Variants in PTPRT observed in about 807,000 individuals in gnomAD.
PTPRT encodes the protein receptor-type tyrosine-protein phosphatase T.
A neutral mutation model predicts 176.8 loss-of-function variants in PTPRT; 56 were observed. The observed-to-expected ratio is 0.32, with a 90% CI of 0.26 to 0.40. The LOEUF (loss-of-function observed/expected upper bound fraction) is 0.40. PTPRT is among the 10% of genes least tolerant of loss of function. The probability of loss-of-function intolerance (pLI) is 1.00; values close to 1 mark genes in which losing one functional copy is unlikely to be tolerated. For missense variants in PTPRT, 1,540 were observed against 1,908.2 expected, an observed-to-expected ratio of 0.81 and a Z score of 3.60; for synonymous variants, 783 against 739.0, an observed-to-expected ratio of 1.06 and a Z score of -0.96.
At chr20:42,658,307 C>A (rs1465226045) in intron 7 of PTPRT, among the ~76,000 whole-genome samples, 1 of 152,192 alleles carries the variant, frequency 6.6e-6, no homozygotes, top group Admixed American at 6.5e-5. Flanking sequence ...TGACAGCCAG[C>A]AGCCCTGTAA....
intron 13 of PTPRT, chr20:42,270,529 G>A (rs2056916704): frequency 1.5e-6 from 2 of 1,352,122 alleles, no homozygotes; most frequent in Non-Finnish European, 2.1e-6. Flanking sequence ...AAAACGTGCA[G>A]CACGGTGAAC....
chr20:43,125,416 T>C (rs1321126566), intron 1 of PTPRT, among the ~76,000 whole-genome samples: 1 of 152,134 alleles, frequency 6.6e-6, no homozygotes, highest in Non-Finnish European at 1.5e-5. Flanking sequence ...TCTCACTGAC[T>C]GCACAATAGA....
chr20:42,402,218 T>A (rs1350134264), intron 9 of PTPRT, among the ~76,000 whole-genome samples: 2 of 151,884 alleles, frequency 1.3e-5, no homozygotes, highest in Admixed American at 6.6e-5. Context: ...TGGGTTTTGG[T>A]TCCCCAAAAC....
chr20:42,385,705 C>A (rs1019197485), intron 9 of PTPRT, among the ~76,000 whole-genome samples: 4 of 152,118 alleles, frequency 2.6e-5, no homozygotes, highest in African/African-American at 9.7e-5. Flanking sequence ...CAAGGAGGAG[C>A]AAAGTCAAGT....
intron 1 of PTPRT, among the ~76,000 whole-genome samples, chr20:43,170,989 T>A (rs1312200282): frequency 5.3e-5 from 8 of 152,158 alleles, no homozygotes; most frequent in Non-Finnish European, 1.2e-4. Flanking sequence ...TTTGTCCAGT[T>A]AACAGCTGCG....
rs144745331 is a variant in PTPRT at position 42,215,194 on chromosome 20, T to C, written c.2343-15806A>G. Among the ~76,000 whole-genome samples the C allele has an allele frequency of 2.3e-3, 345 of 152,238 alleles. 2 individuals are homozygous for C. Among genetic ancestry groups the C allele is most frequent in the African/African-American group, 8.0e-3 (333 of 41,550 alleles). Reference sequence around the variant, plus strand: ...GAATGCTGTCTGAGCTCTGAACCCCTGGGTTGGGGAGATGGCCCCTCTGTT... The same window carrying C: ...GAATGCTGTCTGAGCTCTGAACCCCCGGGTTGGGGAGATGGCCCCTCTGTT... On this transcript the variant is annotated intron_variant, in intron 15 of 30. Coordinates refer to ENST00000373187, the MANE Select transcript of PTPRT (RefSeq NM_007050.6).
rs544106688 is a variant in PTPRT at position 42,581,149 on chromosome 20, T to A, written c.1153+96717A>T. ...CAATGGCTGGCCGTATACTAGAAAG[T>A]CTTCCCTCCTCCCTTCTTCCTCCAC... On this transcript the variant is annotated intron_variant, in intron 7 of 30. Coordinates refer to ENST00000373187, the MANE Select transcript of PTPRT (RefSeq NM_007050.6). 2.6e-5 allele frequency among the ~76,000 whole-genome samples: 4 copies of A among 152,256 alleles called. No homozygotes were observed. The South Asian group carries it at 8.3e-4, about 32-fold the overall frequency.
At chr20:42,517,490 C>T (rs2072090597) in intron 7 of PTPRT, among the ~76,000 whole-genome samples, 1 of 151,834 alleles carries the variant, frequency 6.6e-6, no homozygotes, top group Non-Finnish European at 1.5e-5. Context: ...TGTACATATG[C>T]ATTCCATTTA....
At chr20:42,848,469 C>T (rs1233414434) in intron 2 of PTPRT, among the ~76,000 whole-genome samples, 1 of 152,186 alleles carries the variant, frequency 6.6e-6, no homozygotes, top group African/African-American at 2.4e-5. Context: ...TTCACCACAT[C>T]CCCACCAACA....
intron 1 of PTPRT, among the ~76,000 whole-genome samples, chr20:42,960,027 CCAT>C (rs1475422516): frequency 6.6e-6 from 1 of 152,124 alleles, no homozygotes; most frequent in Non-Finnish European, 1.5e-5. Context: ...CTTGTCCCTC[CCAT>C]CATCTACTCA....
intron 1 of PTPRT, among the ~76,000 whole-genome samples, chr20:43,093,750 TG>T (rs1427570604): frequency 6.6e-6 from 1 of 152,144 alleles, no homozygotes; most frequent in Non-Finnish European, 1.5e-5. Context: ...GAGATGCAGG[TG>T]ATCTGGCCCC....
At chr20:42,503,977 G>T (rs577319880) in intron 7 of PTPRT, among the ~76,000 whole-genome samples, 1 of 152,112 alleles carries the variant, frequency 6.6e-6, no homozygotes, top group East Asian at 1.9e-4. Context: ...CTAAACAATA[G>T]CTCCCTTGCT....
intron 1 of PTPRT, among the ~76,000 whole-genome samples, chr20:43,116,393 G>C (rs558642137): frequency 2.6e-5 from 4 of 152,304 alleles, no homozygotes; most frequent in Admixed American, 2.0e-4. Context: ...CTTTGCCTTA[G>C]ACAGTGTTCA....
chr20:42,179,957 A>G (rs751140899), intron 16 of PTPRT, among the ~76,000 whole-genome samples: 35 of 152,202 alleles, frequency 2.3e-4, no homozygotes, highest in Non-Finnish European at 4.4e-4. Context: ...ATCTTGAGCT[A>G]AAGAAGATCA....
intron 6 of PTPRT, among the ~76,000 whole-genome samples, chr20:42,742,532 T>A (rs2076626808): frequency 1.3e-5 from 2 of 152,176 alleles, no homozygotes; most frequent in South Asian, 4.2e-4. Context: ...GTCTCAAATG[T>A]CACAGCAGGA....
At chr20:42,773,484 T>A (rs1000486872) in intron 4 of PTPRT, among the ~76,000 whole-genome samples, 1 of 152,140 alleles carries the variant, frequency 6.6e-6, no homozygotes, top group Non-Finnish European at 1.5e-5. Flanking sequence ...CTCAGGTTTT[T>A]AAACTAATGA....
intron 7 of PTPRT, among the ~76,000 whole-genome samples, chr20:42,677,560 C>T (rs1223173832): frequency 6.6e-6 from 1 of 152,114 alleles, no homozygotes; most frequent in Non-Finnish European, 1.5e-5. Context: ...GACACAGAGC[C>T]AGTGTGTCTC....
chr20:42,686,668 A>G (rs977031568), intron 6 of PTPRT, among the ~76,000 whole-genome samples: 1 of 150,970 alleles, frequency 6.6e-6, no homozygotes, highest in South Asian at 2.1e-4. Flanking sequence ...AATTTTTTAT[A>G]TTTTTGGTAG....
intron 24 of PTPRT, among the ~76,000 whole-genome samples, chr20:42,105,207 A>G (rs1986327480): frequency 6.6e-6 from 1 of 152,244 alleles, no homozygotes; most frequent in Admixed American, 6.5e-5. Flanking sequence ...AGAGTTCGCC[A>G]GCAGAATTGG....
Sources: gnomAD v4.1 joint callset for allele counts (sites outside exome capture counted in the v4.1 genomes callset) on GRCh38, gnomAD v4.1.1 for gene constraint, MANE v1.5 for transcripts, NCBI Gene and HGNC (gene_info 2026-07-23, HGNC 2026-07-21) for gene names.